Variants in DPF3 observed in about 807,000 individuals in gnomAD.
DPF3 encodes the protein zinc finger protein DPF3.
In DPF3, 18 loss-of-function variants were observed where a neutral mutation model predicts 56.8. The observed-to-expected ratio is 0.32, with a 90% CI of 0.22 to 0.47. DPF3 has a LOEUF of 0.47. Ranked by LOEUF, DPF3 falls within the 20% of genes least tolerant of loss-of-function variation. The pLI, the probability that DPF3 is intolerant of heterozygous loss-of-function variation, is 1.00. For missense variants in DPF3, 403 were observed against 488.8 expected, an observed-to-expected ratio of 0.82 and a Z score of 1.65; for synonymous variants, 188 against 180.2, an observed-to-expected ratio of 1.04 and a Z score of -0.35.
At chr14:72,819,358 G>C (rs1401051812) in intron 1 of DPF3, among the ~76,000 whole-genome samples, 1 of 152,128 alleles carries the variant, frequency 6.6e-6, no homozygotes, top group Non-Finnish European at 1.5e-5. Flanking sequence ...TTATCCAAAA[G>C]AAATGGGGGA....
chr14:72,645,699 T>C (rs1235886393), intron 8 of DPF3, among the ~76,000 whole-genome samples: 1 of 152,156 alleles, frequency 6.6e-6, no homozygotes, highest in Non-Finnish European at 1.5e-5. Flanking sequence ...ACAGCTGCCT[T>C]TTTAAGATTT....
At chr14:72,879,944 G>T in intron 1 of DPF3, 18 of 1,495,888 alleles carry the variant, frequency 1.2e-5, no homozygotes, top group Admixed American at 2.2e-5. Flanking sequence ...ATTCTTGAAA[G>T]GGCCTGTGAT....
rs186114895 is a variant in DPF3 at position 72,663,029 on chromosome 14, G to C, written c.871+11211C>G. ...CAGGTGCAACAAAAATCAGGGTAGT[G>C]TGTCCAGCGCCTTGAACTTCAGCAG... On this transcript the variant is annotated intron_variant, in intron 8 of 10. Transcript: ENST00000556509. Among the ~76,000 whole-genome samples the C allele has an allele frequency of 7.5e-4, 114 of 152,056 alleles. 1 individual carries two copies. Among genetic ancestry groups the C allele is most frequent in the Non-Finnish European group, 1.6e-4 (11 of 67,982 alleles).
chr14:72,671,547 AG>A (rs1168101960), intron 8 of DPF3: 12 of 759,470 alleles, frequency 1.6e-5, no homozygotes, highest in Non-Finnish European at 2.8e-5. Flanking sequence ...CTCCCCGAAA[AG>A]GCATCATCTC....
intron 9 of DPF3, among the ~76,000 whole-genome samples, chr14:72,621,159 A>G (rs1167008070): frequency 2.7e-5 from 4 of 149,284 alleles, no homozygotes; most frequent in Non-Finnish European, 4.5e-5. Flanking sequence ...AAAAAAAAAG[A>G]CATCTACATG....
intron 1 of DPF3, among the ~76,000 whole-genome samples, chr14:72,866,493 G>C (rs1444517414): frequency 6.6e-6 from 1 of 150,622 alleles, no homozygotes; most frequent in Non-Finnish European, 1.5e-5. Flanking sequence ...ACCCGCCTCT[G>C]CTCCATCGAT....
intron 7 of DPF3, among the ~76,000 whole-genome samples, chr14:72,683,799 T>C (rs1887277216): frequency 6.6e-6 from 1 of 152,290 alleles, no homozygotes; most frequent in East Asian, 1.9e-4. Flanking sequence ...AGATTCTACA[T>C]GTCTTAAAAG....
chr14:72,773,499 G>C (rs1265262612), intron 1 of DPF3, among the ~76,000 whole-genome samples: 1 of 152,174 alleles, frequency 6.6e-6, no homozygotes, highest in South Asian at 2.1e-4. Flanking sequence ...TACAGTTTAA[G>C]TGTACAGTTC....
chr14:72,870,781 A>C (rs79735776), intron 1 of DPF3, among the ~76,000 whole-genome samples: 9,557 of 152,186 alleles, frequency 0.063, 360 homozygotes, highest in African/African-American at 0.094. Context: ...ACACCCATTA[A>C]AAGGGTAACG....
At chr14:72,677,000 C>A (rs1053412256) in intron 7 of DPF3, among the ~76,000 whole-genome samples, 1 of 152,026 alleles carries the variant, frequency 6.6e-6, no homozygotes, top group Non-Finnish European at 1.5e-5. Flanking sequence ...ATTCAGCCTT[C>A]GTAAAAAGAC....
intron 2 of DPF3, among the ~76,000 whole-genome samples, chr14:72,768,941 G>GTC (rs981236330): frequency 1.1e-4 from 15 of 134,406 alleles, no homozygotes; most frequent in African/African-American, 3.8e-4. Context: ...GTCTGTGTGT[G>GTC]TGTGTGTGTG....
chr14:72,866,162 G>C (rs1438779756), intron 1 of DPF3, among the ~76,000 whole-genome samples: 1 of 152,172 alleles, frequency 6.6e-6, no homozygotes, highest in African/African-American at 2.4e-5. Context: ...AATTTAGTTT[G>C]ATGGGCTATG....
intron 1 of DPF3, among the ~76,000 whole-genome samples, chr14:72,795,293 A>ATATATATAT (rs1317667797): frequency 8.3e-5 from 9 of 108,012 alleles, no homozygotes; most frequent in Admixed American, 2.1e-4. Flanking sequence ...AAAAAAAAAA[A>ATATATATAT]AAATATATAT....
chr14:72,618,084 C>T lies in DPF3; in HGVS notation c.*1213G>A, dbSNP rs1163960757. ...TTTTTTTTTGAAAACAAGAGTCCTGCATGTTTGGGGAGCTTAGGAGACAAG... is the reference window on the plus strand; with the variant it reads ...TTTTTTTTTGAAAACAAGAGTCCTGTATGTTTGGGGAGCTTAGGAGACAAG... On this transcript the variant is annotated 3_prime_UTR_variant, in exon 11 of 11. Transcript: ENST00000556509. Among the ~76,000 whole-genome samples, 2 of 152,008 alleles carry T rather than the reference C, an allele frequency of 1.3e-5. No homozygotes were observed. The highest frequency in any genetic ancestry group is 2.9e-5 in the Non-Finnish European group (2 of 68,008).
intron 1 of DPF3, chr14:72,880,013 T>C (rs1214672401): frequency 1.4e-6 from 2 of 1,397,518 alleles, no homozygotes; most frequent in African/African-American, 1.4e-5. Context: ...CACACTAGAC[T>C]GTGGTATAGA....
intron 8 of DPF3, among the ~76,000 whole-genome samples, chr14:72,649,864 G>A (rs1309060506): frequency 6.6e-6 from 1 of 152,218 alleles, no homozygotes; most frequent in Admixed American, 6.5e-5. Flanking sequence ...ACTGCTGGCA[G>A]AGACAGGATG....
Position 72,617,850 on chromosome 14 carries a change from T to G in DPF3, c.*1447A>C, listed in dbSNP as rs1884184228. Among the ~76,000 whole-genome samples, 1 of 151,810 alleles carries G rather than the reference T, an allele frequency of 6.6e-6. No individual in the cohort carries two copies. Among genetic ancestry groups the G allele is most frequent in the Non-Finnish European group, 1.5e-5 (1 of 67,942 alleles). ...GTTGTGAGCAGCCAGACCACAGAGATGGAGCTGATTTCAGAGAAGCCAAGC... is the reference window on the plus strand; with the variant it reads ...GTTGTGAGCAGCCAGACCACAGAGAGGGAGCTGATTTCAGAGAAGCCAAGC... On this transcript the variant is annotated 3_prime_UTR_variant, in exon 11 of 11. Transcript: ENST00000556509.
chr14:72,777,280 T>C (rs1891781915), intron 1 of DPF3, among the ~76,000 whole-genome samples: 1 of 152,232 alleles, frequency 6.6e-6, no homozygotes, highest in African/African-American at 2.4e-5. Context: ...CATTTAAACA[T>C]GTTTAACTCA....
intron 1 of DPF3, among the ~76,000 whole-genome samples, chr14:72,831,228 G>A (rs116750277): frequency 1.4e-4 from 21 of 152,176 alleles, no homozygotes; most frequent in African/African-American, 4.8e-4. Context: ...AGGGGATTCC[G>A]AGCCTCTCTG....
Sources: allele counts gnomAD v4.1 joint callset (sites outside exome capture counted in the v4.1 genomes callset), GRCh38; gene constraint gnomAD v4.1.1; transcripts MANE v1.5; gene names NCBI Gene and HGNC (gene_info 2026-07-23, HGNC 2026-07-21).